The following AR variants were observed in gnomAD, a reference collection of about 807,000 sequenced individuals.
AR encodes the protein dihydrotestosterone receptor.
In AR, 8 loss-of-function variants were observed where a neutral mutation model predicts 53.9. That is an observed-to-expected ratio of 0.15 (90% confidence interval 0.09 to 0.27). The LOEUF (loss-of-function observed/expected upper bound fraction) is 0.27. Ranked by LOEUF, AR falls within the 10% of genes least tolerant of loss-of-function variation. AR has a pLI of 1.00. For synonymous variants in AR, 359 were observed against 316.4 expected, an observed-to-expected ratio of 1.13 and a Z score of -1.43; for missense variants, 639 against 742.5, an observed-to-expected ratio of 0.86 and a Z score of 1.62.
intron 2 of AR, among the ~76,000 whole-genome samples, chrX:67,683,317 T>TA (rs921740218): frequency 4.5e-5 from 5 of 111,333 alleles, no homozygotes; most frequent in South Asian, 3.8e-4. Context: ...GTTACTATCC[T>TA]AAAAAGACAG....
intron 2 of AR, among the ~76,000 whole-genome samples, chrX:67,679,337 C>T (rs1223689728): frequency 9.0e-6 from 1 of 111,449 alleles, no homozygotes; most frequent in Admixed American, 9.5e-5. Flanking sequence ...AGAAAAAAGA[C>T]ATTGCAGTCA....
chrX:67,717,429 A>C lies in AR; in HGVS notation c.2174-49A>C, dbSNP rs759057456. The C allele has an allele frequency of 2.5e-6, 3 of 1,205,184 alleles. No homozygotes were observed. In the Admixed American group the frequency reaches 6.6e-5, roughly 26 times the overall value. On this transcript the variant is annotated intron_variant, in intron 4 of 7. Coordinates refer to ENST00000374690, the MANE Select transcript of AR (RefSeq NM_000044.6). ...CCCAACAGGGACTCAGACTTAGCTC[A>C]ACCCGTCAGTACCCAGACTGACCAC...
intron 1 of AR, among the ~76,000 whole-genome samples, chrX:67,547,460 G>A (rs1057333823): frequency 8.9e-6 from 1 of 111,825 alleles, no homozygotes; most frequent in Non-Finnish European, 1.9e-5. Flanking sequence ...TGCACTCACA[G>A]TTTCTCAACG....
chrX:67,668,533 A>G (rs1026115594), intron 2 of AR, among the ~76,000 whole-genome samples: 2 of 98,845 alleles, frequency 2.0e-5, no homozygotes, highest in African/African-American at 1.0e-4. Flanking sequence ...CCTTTTTTTT[A>G]TGTGTCTTTT....
At chrX:67,714,834 T>C (rs950448982) in intron 4 of AR, among the ~76,000 whole-genome samples, 24 of 111,582 alleles carry the variant, frequency 2.2e-4, no homozygotes, top group African/African-American at 4.9e-4. Flanking sequence ...ACTTCAGAGA[T>C]TGGGCATTAG....
At chrX:67,721,064 A>G (rs2076133808) in intron 5 of AR, among the ~76,000 whole-genome samples, 1 of 111,653 alleles carries the variant, frequency 9.0e-6, no homozygotes, top group Non-Finnish European at 1.9e-5. Context: ...TTTATAGGTG[A>G]TAATGTGGTG....
At chrX:67,680,592 T>C in intron 2 of AR, 1 of 290,295 alleles carries the variant, frequency 3.4e-6, no homozygotes, top group Non-Finnish European at 6.7e-6. Flanking sequence ...GTGTGAGAAA[T>C]ACTACATTCT....
At chrX:67,578,263 G>A (rs750160931) in intron 1 of AR, among the ~76,000 whole-genome samples, 1 of 111,245 alleles carries the variant, frequency 9.0e-6, no homozygotes, top group African/African-American at 3.3e-5. Flanking sequence ...ATTCAGATTG[G>A]CATATCCATC....
intron 2 of AR, among the ~76,000 whole-genome samples, chrX:67,646,379 G>A (rs1457265811): frequency 9.0e-6 from 1 of 110,808 alleles, no homozygotes; most frequent in Admixed American, 9.7e-5. Flanking sequence ...AAAGGGTGCG[G>A]TGAGAAAAAA....
chrX:67,644,801 C>T (rs1213147291), intron 2 of AR, among the ~76,000 whole-genome samples: 2 of 111,498 alleles, frequency 1.8e-5, no homozygotes, highest in African/African-American at 6.5e-5. Context: ...AGCTCATACC[C>T]CCAAATTACC....
intron 1 of AR, among the ~76,000 whole-genome samples, chrX:67,589,332 A>G (rs1283092080): frequency 1.8e-5 from 2 of 112,306 alleles, no homozygotes; most frequent in Admixed American, 9.4e-5. Context: ...TTTGTAAGCA[A>G]CTGGCCTCTT....
chrX:67,680,873 A>C (rs950524265), intron 2 of AR: 8 of 296,543 alleles, frequency 2.7e-5, no homozygotes, highest in Admixed American at 2.5e-4. Context: ...TGGCCTTTGA[A>C]TCATACTTAA....
At chrX:67,577,483 G>A (rs1922108498) in intron 1 of AR, among the ~76,000 whole-genome samples, 1 of 110,712 alleles carries the variant, frequency 9.0e-6, no homozygotes, top group Non-Finnish European at 1.9e-5. Flanking sequence ...ATTTCTCCTT[G>A]GTATACACCT....
intron 1 of AR, among the ~76,000 whole-genome samples, chrX:67,584,841 G>T (rs1922460861): frequency 8.9e-6 from 1 of 111,983 alleles, no homozygotes; most frequent in Non-Finnish European, 1.9e-5. Context: ...TTTGGTTTGG[G>T]GTTAAACCGT....
At chrX:67,590,323 C>A (rs889758489) in intron 1 of AR, among the ~76,000 whole-genome samples, 2 of 111,589 alleles carry the variant, frequency 1.8e-5, no homozygotes, top group African/African-American at 3.3e-5. Context: ...AAGACTAGTT[C>A]TTTGCTATGA....
intron 1 of AR, among the ~76,000 whole-genome samples, chrX:67,622,924 G>A (rs975653218): frequency 9.0e-6 from 1 of 111,508 alleles, no homozygotes. Context: ...CTTGAGGATA[G>A]GGGCTATGTC....
In AR at chrX:67,643,295, T is replaced by C. The variant is rs142779036; in HGVS notation, c.1656T>C (p.Tyr552=). 4.3e-5 allele frequency: 52 copies of C among 1,209,882 alleles called. No homozygotes were observed. Among genetic ancestry groups the C allele is most frequent in the Non-Finnish European group, 5.4e-5 (48 of 895,124 alleles). Residue 552 remains tyrosine, a synonymous_variant, in exon 2 of 8, where the codon TAT becomes TAC. Transcript: ENST00000374690. Reference sequence around the variant, plus strand: ...GGGACCATGTTTTGCCCATTGACTATTACTTTCCACCCCAGAAGACCTGCC... The same window carrying C: ...GGGACCATGTTTTGCCCATTGACTACTACTTTCCACCCCAGAAGACCTGCC... The part of the protein sequence containing the change: ...TARDHVLPID[Y]YFPPQKTCLI...
At position 67,546,533 on chromosome X, in the gene AR, G is replaced by GGCA. The variant is rs1833712073; in HGVS notation, c.1389_1390insAGC (p.Gly463_Gly464insSer). On this transcript the variant is annotated inframe_insertion, in exon 1 of 8. Coordinates refer to ENST00000374690, the MANE Select transcript of AR (RefSeq NM_000044.6). ...GGGTGGTGGCGGCGGCGGCGGCGGCGGCGGCGGCGGCGGCGGCGGCGGCGG... is the reference window on the plus strand; with the variant it reads ...GGGTGGTGGCGGCGGCGGCGGCGGCGGCAGCGGCGGCGGCGGCGGCGGCGGCGG... 1.2e-6 allele frequency: 1 copy of GGCA among 854,870 alleles called. No homozygotes were observed. The highest frequency in any genetic ancestry group is 1.4e-6 in the Non-Finnish European group (1 of 691,720). 70.5% of individuals were successfully genotyped at this position (854,870 alleles called of 1,213,427 possible).
intron 1 of AR, among the ~76,000 whole-genome samples, chrX:67,584,165 T>A (rs1386859622): frequency 8.9e-6 from 1 of 112,095 alleles, no homozygotes; most frequent in Non-Finnish European, 1.9e-5. Flanking sequence ...CTATATCCAC[T>A]GTTCACTGAG....
Sources: gnomAD v4.1 joint callset for allele counts (sites outside exome capture counted in the v4.1 genomes callset) on GRCh38, gnomAD v4.1.1 for gene constraint, MANE v1.5 for transcripts, NCBI Gene and HGNC (gene_info 2026-07-23, HGNC 2026-07-21) for gene names.